Variants in THADA observed in about 807,000 individuals in gnomAD.
The protein encoded by THADA is THADA armadillo repeat containing.
A neutral mutation model predicts 219.8 loss-of-function variants in THADA; 213 were observed. That is an observed-to-expected ratio of 0.97 (90% confidence interval 0.87 to 1.09). The LOEUF is 1.09. Ranked by LOEUF, THADA falls within the 50% of genes least tolerant of loss-of-function variation. The pLI, the probability that THADA is intolerant of heterozygous loss-of-function variation, is 0.00. For synonymous variants in THADA, 1,018 were observed against 828.9 expected (o/e 1.23, Z -3.92); for missense variants, 2,956 against 2,311.3 (o/e 1.28, Z -5.72).
At chr2:43,351,458 G>A (rs1249112928) in intron 29 of THADA, among the ~76,000 whole-genome samples, 3 of 151,852 alleles carry the variant, frequency 2.0e-5, no homozygotes, top group African/African-American at 7.3e-5. Flanking sequence ...CAGCTTAAAC[G>A]TCACCTTCCC....
intron 26 of THADA, among the ~76,000 whole-genome samples, chr2:43,451,606 T>A (rs1682347635): frequency 6.6e-6 from 1 of 152,072 alleles, no homozygotes; most frequent in Non-Finnish European, 1.5e-5. Flanking sequence ...TTCTTGCTAT[T>A]TTTTTTAGAA....
intron 36 of THADA, among the ~76,000 whole-genome samples, chr2:43,269,907 G>C (rs1189945770): frequency 6.6e-6 from 1 of 152,182 alleles, no homozygotes; most frequent in African/African-American, 2.4e-5. Flanking sequence ...GGTGTGGTTT[G>C]ATTGCTGACT....
At chr2:43,544,217 CTG>C (rs1695710215) in intron 20 of THADA, among the ~76,000 whole-genome samples, 1 of 152,120 alleles carries the variant, frequency 6.6e-6, no homozygotes, top group Non-Finnish European at 1.5e-5. Flanking sequence ...GGGCTCTGTT[CTG>C]TTCCATTGAT....
At chr2:43,343,519 G>C (rs936486151) in intron 30 of THADA, 1 of 152,280 alleles carries the variant, frequency 6.6e-6, no homozygotes, top group Admixed American at 6.5e-5. Context: ...GCATTACAGA[G>C]AGGACTCCCT....
At chr2:43,572,359 A>C (rs1239913539) in intron 12 of THADA, among the ~76,000 whole-genome samples, 1 of 152,216 alleles carries the variant, frequency 6.6e-6, no homozygotes, top group African/African-American at 2.4e-5. Context: ...AAAAATGTCC[A>C]AAACACTCCA....
intron 36 of THADA, among the ~76,000 whole-genome samples, chr2:43,251,572 G>T (rs1669811064): frequency 6.6e-6 from 1 of 152,206 alleles, no homozygotes; most frequent in Non-Finnish European, 1.5e-5. Context: ...GGGAAATACA[G>T]CAATCTAAGG....
intron 29 of THADA, among the ~76,000 whole-genome samples, chr2:43,391,449 A>C (rs574137740): frequency 6.6e-6 from 1 of 152,358 alleles, no homozygotes; most frequent in African/African-American, 2.4e-5. Context: ...CCTAAGTAAC[A>C]GACACCAAAT....
intron 31 of THADA, among the ~76,000 whole-genome samples, chr2:43,299,533 G>T (rs1300627405): frequency 6.6e-6 from 1 of 151,888 alleles, no homozygotes; most frequent in Non-Finnish European, 1.5e-5. Flanking sequence ...GTGATGGTGG[G>T]CACCTGTAAT....
chr2:43,502,693 A>T (rs985110847), intron 24 of THADA, among the ~76,000 whole-genome samples: 1 of 151,940 alleles, frequency 6.6e-6, no homozygotes, highest in African/African-American at 2.4e-5. Context: ...ATGTACAACC[A>T]TAAAGGAGAA....
At chr2:43,540,307 C>T (rs571682661) in intron 21 of THADA, among the ~76,000 whole-genome samples, 2 of 152,238 alleles carry the variant, frequency 1.3e-5, no homozygotes, top group Admixed American at 6.5e-5. Flanking sequence ...ACATCACAAG[C>T]GCAGCTGTTA....
chr2:43,307,927 G>A (rs1677047765), intron 31 of THADA, among the ~76,000 whole-genome samples: 1 of 152,180 alleles, frequency 6.6e-6, no homozygotes, highest in Admixed American at 6.5e-5. Context: ...ACGTACACCT[G>A]CTACATATGG....
At chr2:43,552,439 G>A in intron 17 of THADA, 100 bp from the exon 18 acceptor site, 1 of 1,267,348 alleles carries the variant, frequency 7.9e-7, no homozygotes, top group Non-Finnish European at 1.1e-6. Context: ...CAACTCAAAT[G>A]AACTTTACAC....
intron 17 of THADA, among the ~76,000 whole-genome samples, chr2:43,555,398 A>G (rs1459799075): frequency 1.3e-5 from 2 of 149,434 alleles, no homozygotes; most frequent in African/African-American, 4.9e-5. Context: ...TATTACATGT[A>G]TATATATATA....
intron 36 of THADA, among the ~76,000 whole-genome samples, chr2:43,244,911 C>A (rs1211922719): frequency 6.6e-6 from 1 of 152,180 alleles, no homozygotes; most frequent in African/African-American, 2.4e-5. Context: ...ATGGCAGCAC[C>A]CAGCCCTCTT....
intron 30 of THADA, 58 bp from the exon 31 acceptor site, chr2:43,320,598 T>C: frequency 1.5e-6 from 2 of 1,323,810 alleles, no homozygotes; most frequent in Non-Finnish European, 2.1e-6. Flanking sequence ...GGTCTGGGTC[T>C]CAGGAAGGAG....
intron 24 of THADA, among the ~76,000 whole-genome samples, chr2:43,502,082 G>C (rs1258590668): frequency 6.6e-6 from 1 of 152,120 alleles, no homozygotes; most frequent in African/African-American, 2.4e-5. Flanking sequence ...TGTTATAACA[G>C]AAATGTCTCT....
intron 26 of THADA, among the ~76,000 whole-genome samples, chr2:43,482,409 T>C (rs1489889620): frequency 6.6e-6 from 1 of 152,186 alleles, no homozygotes; most frequent in African/African-American, 2.4e-5. Flanking sequence ...GCACTGGGAA[T>C]ACATCATTTT....
intron 36 of THADA, among the ~76,000 whole-genome samples, chr2:43,237,314 T>G (rs1166604125): frequency 1.3e-5 from 2 of 151,980 alleles, no homozygotes; most frequent in Non-Finnish European, 2.9e-5. Flanking sequence ...AGAATGACGT[T>G]GGACCCCTAC....
chr2:43,323,684 A>T lies in THADA; in HGVS notation c.4344-3144T>A, dbSNP rs571062009. ...ATTTTGACTAGTTTTGGAGACAAAAACAAAGACAAACTTCAGAATAGGATG... is the reference window on the plus strand; with the variant it reads ...ATTTTGACTAGTTTTGGAGACAAAATCAAAGACAAACTTCAGAATAGGATG... On this transcript the variant is annotated intron_variant, in intron 30 of 37. Transcript: ENST00000405975. Among the ~76,000 whole-genome samples, 5 of 152,324 alleles carry T rather than the reference A, an allele frequency of 3.3e-5. No homozygotes were observed. In the East Asian group the frequency reaches 9.6e-4, roughly 29 times the overall value.
Sources: gnomAD v4.1 joint callset for allele counts (sites outside exome capture counted in the v4.1 genomes callset) on GRCh38, gnomAD v4.1.1 for gene constraint, MANE v1.5 for transcripts, NCBI Gene and HGNC (gene_info 2026-07-23, HGNC 2026-07-21) for gene names.